ATL3: variants seen among roughly 807,000 people sequenced by gnomAD.
The protein encoded by ATL3 is atlastin GTPase 3.
ATL3 carries 49 observed loss-of-function variants against 69.5 expected under a neutral mutation model. The observed-to-expected ratio is 0.71, with a 90% CI of 0.56 to 0.89. The LOEUF (loss-of-function observed/expected upper bound fraction) is 0.89. Among genes scored for constraint, ATL3 ranks in the 40% least tolerant of loss-of-function variants. ATL3 has a pLI of 0.00. For missense variants in ATL3, 606 were observed against 645.7 expected (o/e 0.94, Z 0.67); for synonymous variants, 214 against 224.1 (o/e 0.95, Z 0.40).
rs756899771 is a variant in ATL3, at chr11:63,671,317, C to G, written c.19G>C (p.Val7Leu). 4.4e-6 allele frequency: 7 copies of G among 1,588,722 alleles called. No individual in the cohort carries two copies. Among genetic ancestry groups the G allele is most frequent in the African/African-American group, 1.4e-5 (1 of 72,012 alleles). Residue 7 changes from valine to leucine, a missense_variant, in exon 1 of 13, where the codon GTG (valine) becomes CTG (leucine). Transcript: ENST00000398868. The part of the protein sequence containing the change: MLSPQR[V>L]AAAASRGADD... ...GCTCCTCTTGAGGCAGCTGCTGCCA[C>G]TCGCTGAGGGGACAACATGGAGCCT...
At chr11:63,645,515 G>A (rs1590730345) in intron 6 of ATL3, among the ~76,000 whole-genome samples, 1 of 152,286 alleles carries the variant, frequency 6.6e-6, no homozygotes, top group East Asian at 1.9e-4. Flanking sequence ...ACTGAACTGA[G>A]GCATAGGTCA....
intron 1 of ATL3, among the ~76,000 whole-genome samples, chr11:63,659,813 G>T (rs1263607208): frequency 6.6e-6 from 1 of 150,980 alleles, no homozygotes; most frequent in African/African-American, 2.4e-5. Context: ...GCACGCACCT[G>T]TAAGTCCTAG....
At chr11:63,651,455 T>C (rs1940077245) in intron 5 of ATL3, among the ~76,000 whole-genome samples, 1 of 151,652 alleles carries the variant, frequency 6.6e-6, no homozygotes, top group South Asian at 2.1e-4. Flanking sequence ...AATGATCCCT[T>C]TACAACAGGT....
intron 8 of ATL3, among the ~76,000 whole-genome samples, chr11:63,640,356 C>T (rs1053795328): frequency 1.3e-5 from 2 of 151,962 alleles, no homozygotes; most frequent in Non-Finnish European, 2.9e-5. Context: ...GGTGCAATCA[C>T]AGCTCACTGT....
chr11:63,650,004 G>T (rs1195991910), intron 5 of ATL3, among the ~76,000 whole-genome samples: 9 of 151,564 alleles, frequency 5.9e-5, no homozygotes, highest in Non-Finnish European at 1.5e-5. Flanking sequence ...TTTATAATAT[G>T]TACTAAGTCA....
intron 10 of ATL3, 85 bp downstream of exon 10, chr11:63,635,449 C>A (rs1939482417): frequency 8.3e-7 from 1 of 1,197,664 alleles, no homozygotes; most frequent in South Asian, 1.4e-5. Context: ...AAAGTGCATT[C>A]TCTTCCTAAA....
chr11:63,656,402 G>C (rs1351136113), intron 3 of ATL3, among the ~76,000 whole-genome samples: 1 of 151,724 alleles, frequency 6.6e-6, no homozygotes, highest in South Asian at 2.1e-4. Context: ...AGGTACAAAA[G>C]AACAAAAATA....
intron 7 of ATL3, 70 bp downstream of exon 7, chr11:63,644,099 T>C: frequency 5.9e-6 from 6 of 1,018,064 alleles, no homozygotes; most frequent in Non-Finnish European, 4.5e-6. Flanking sequence ...TTAAACACAA[T>C]AGCCAAAAGC....
Position 63,652,455 on chromosome 11 carries a change from G to A in ATL3, c.510+16C>T. ...ATTTCCTTTGCGAGCTTTTTTCTGA[G>A]TCAAGTGGTTTTTACCTGAACAGAA... On this transcript the variant is annotated intron_variant, in intron 4 of 12. Coordinates refer to ENST00000398868, the MANE Select transcript of ATL3 (RefSeq NM_015459.5). The A allele has an allele frequency of 1.4e-6, 2 of 1,477,222 alleles. No individual in the cohort carries two copies. The highest frequency in any genetic ancestry group is 1.8e-6 in the Non-Finnish European group (2 of 1,096,674). 91.5% of individuals were successfully genotyped at this position (1,477,222 alleles called of 1,614,324 possible).
chr11:63,669,496 T>C (rs184498756), intron 1 of ATL3, among the ~76,000 whole-genome samples: 11 of 149,394 alleles, frequency 7.4e-5, no homozygotes, highest in African/African-American at 2.0e-4. Context: ...GATCGCGCCA[T>C]TGCACTCCAC....
intron 8 of ATL3, among the ~76,000 whole-genome samples, chr11:63,638,731 A>AC (rs561296530): frequency 9.3e-4 from 141 of 152,170 alleles, no homozygotes; most frequent in African/African-American, 3.2e-3. Flanking sequence ...ACAAAACAAA[A>AC]AAAAAAAAAC....
chr11:63,634,363 C>T (rs1399422857), intron 10 of ATL3, among the ~76,000 whole-genome samples: 1 of 151,512 alleles, frequency 6.6e-6, no homozygotes, highest in African/African-American at 2.4e-5. Flanking sequence ...AGAAATTAGC[C>T]GGGCGTGGTG....
rs144065954 is a variant in ATL3, at chr11:63,669,518, G to A, written c.46+1772C>T. On this transcript the variant is annotated intron_variant, in intron 1 of 12. Transcript: ENST00000398868. The stretch of plus-strand genomic sequence containing the variant: ...CCATTGCACTCCACCCTGGGCGAGA[G>A]AGCAAGACTCCTTCTCACCAGAAGA... Among the ~76,000 whole-genome samples the A allele has an allele frequency of 6.5e-3, 982 of 150,986 alleles. 8 individuals are homozygous for A. Among genetic ancestry groups the A allele is most frequent in the Non-Finnish European group, 9.0e-3 (610 of 67,670 alleles).
At chr11:63,644,139 A>C (rs1565274735) in intron 7 of ATL3, 30 bp downstream of exon 7, 4 of 1,409,760 alleles carry the variant, frequency 2.8e-6, no homozygotes, top group Non-Finnish European at 4.0e-6. Flanking sequence ...ACTTTGAGAT[A>C]ATTCATCAGA....
In ATL3 at chr11:63,658,881, C is replaced by A. The variant is rs1403749370; in HGVS notation, c.285G>T (p.Trp95Cys). The A allele has an allele frequency of 1.2e-6, 2 of 1,604,972 alleles. No homozygotes were observed. Among genetic ancestry groups the A allele is most frequent in the African/African-American group, 1.3e-5 (1 of 74,420 alleles). ...YSQKESGHSN[W>C]LGDPEEPLTG... is the part of the protein sequence containing the mutation. The stretch of plus-strand genomic sequence containing the variant: ...TTAACGGTTCTTCTGGGTCACCCAA[C>A]CAATTTGAATGGCCACTTTCCTTCT... Residue 95 changes from tryptophan (W) to cysteine (C), a missense_variant, in exon 3 of 13, where the codon TGG becomes TGT. Physicochemically the swap from Trp to Cys is radical, Grantham distance 215 (BLOSUM62 -2). Transcript: ENST00000398868.
At chr11:63,670,320 T>G (rs1345996705) in intron 1 of ATL3, 1 of 152,228 alleles carries the variant, frequency 6.6e-6, no homozygotes, top group Non-Finnish European at 1.5e-5. Flanking sequence ...TTATGCTTCT[T>G]AAATCTCCAA....
rs1350828296 is a variant in ATL3 at position 63,658,868 on chromosome 11, C to T, written c.298G>A (p.Glu100Lys). The T allele has an allele frequency of 1.2e-6, 2 of 1,609,380 alleles. No individual in the cohort carries two copies. Among genetic ancestry groups the T allele is most frequent in the East Asian group, 2.2e-5 (1 of 44,778 alleles). The change falls in exon 3 of 13, where the codon GAA becomes AAA. Residue 100 changes from glutamate to lysine, a missense_variant. Transcript: ENST00000398868. ...SGHSNWLGDP[E>K]EPLTGFSWRG... Reference sequence around the variant, plus strand: ...CAGGAAAATCCTGTTAACGGTTCTTCTGGGTCACCCAACCAATTTGAATGG... The same window carrying T: ...CAGGAAAATCCTGTTAACGGTTCTTTTGGGTCACCCAACCAATTTGAATGG...
At chr11:63,644,872 G>A (rs2134491821) in intron 6 of ATL3, among the ~76,000 whole-genome samples, 1 of 152,244 alleles carries the variant, frequency 6.6e-6, no homozygotes, top group East Asian at 1.9e-4. Flanking sequence ...AATCTATGGG[G>A]AATACAGTAA....
At chr11:63,662,408 T>C (rs561906185) in intron 1 of ATL3, among the ~76,000 whole-genome samples, 1 of 152,292 alleles carries the variant, frequency 6.6e-6, no homozygotes, top group African/African-American at 2.4e-5. Flanking sequence ...TAATTATGCA[T>C]GTTAATGTAT....
Sources: gnomAD v4.1 joint callset for allele counts (sites outside exome capture counted in the v4.1 genomes callset) on GRCh38, gnomAD v4.1.1 for gene constraint, MANE v1.5 for transcripts, NCBI Gene and HGNC (gene_info 2026-07-23, HGNC 2026-07-21) for gene names.